The following DGKH variants were observed in gnomAD, a reference collection of about 807,000 sequenced individuals.
DGKH encodes the protein diacylglycerol kinase eta.
A neutral mutation model predicts 159.3 loss-of-function variants in DGKH; 90 were observed. The observed-to-expected ratio is 0.57, with a 90% CI of 0.48 to 0.67. The LOEUF (loss-of-function observed/expected upper bound fraction) is 0.67, where lower values mean the gene tolerates loss of function less well. DGKH is among the 30% of genes least tolerant of loss of function. The pLI, the probability that DGKH is intolerant of heterozygous loss-of-function variation, is 0.00. For synonymous variants in DGKH, 536 were observed against 553.8 expected, an observed-to-expected ratio of 0.97 and a Z score of 0.45; for missense variants, 1,181 against 1,506.1, an observed-to-expected ratio of 0.78 and a Z score of 3.57.
At chr13:42,205,209 T>G (rs933772419) in intron 20 of DGKH, among the ~76,000 whole-genome samples, 2 of 152,202 alleles carry the variant, frequency 1.3e-5, no homozygotes. Context: ...TAAATGTTAA[T>G]TAAAATAATA....
intron 9 of DGKH, 121 bp downstream of exon 9, chr13:42,166,795 CTAATTA>C (rs1956325810): frequency 2.3e-6 from 2 of 872,960 alleles, no homozygotes. Context: ...TTTTAAAGCT[CTAATTA>C]TAAGTTTTAA....
At chr13:42,110,520 G>A (rs1954843024) in intron 1 of DGKH, among the ~76,000 whole-genome samples, 1 of 152,186 alleles carries the variant, frequency 6.6e-6, no homozygotes, top group Admixed American at 6.5e-5. Flanking sequence ...TGTGGGCAAA[G>A]GGATTATTCT....
chr13:42,069,759 AT>A, intron 1 of DGKH: 1 of 1,117,172 alleles, frequency 9.0e-7, no homozygotes, highest in Non-Finnish European at 1.3e-6. Flanking sequence ...TCGTTTTGTA[AT>A]TACAAGTATG....
intron 3 of DGKH, among the ~76,000 whole-genome samples, chr13:42,148,635 T>C (rs1955797591): frequency 6.6e-6 from 1 of 152,218 alleles, no homozygotes. Context: ...TTTGTGTCTC[T>C]TCCTGGCTTA....
chr13:42,086,690 G>A (rs930643727), intron 1 of DGKH, among the ~76,000 whole-genome samples: 1 of 152,212 alleles, frequency 6.6e-6, no homozygotes, highest in Non-Finnish European at 1.5e-5. Context: ...ACAATGGTCT[G>A]TTTTCAGACC....
In DGKH at chr13:42,236,547, A is replaced by G. The variant is rs532352556; in HGVS notation, c.*7359A>G. 7.2e-5 allele frequency: 11 copies of G among 152,284 alleles called. No homozygotes were observed. The allele number at this position is 152,284 out of a possible 1,614,324, so 9.4% of individuals were successfully genotyped here. ...GTATTTTATCTTCATGTCACAACTT[A>G]TTTTCTGTAGCCAATTCTCAGTTTT... On this transcript the variant is annotated 3_prime_UTR_variant, in exon 30 of 30. Transcript: ENST00000337343.
intron 12 of DGKH, among the ~76,000 whole-genome samples, chr13:42,174,515 G>T (rs191092499): frequency 6.6e-6 from 1 of 152,128 alleles, no homozygotes; most frequent in African/African-American, 2.4e-5. Flanking sequence ...GCCTGTTTCC[G>T]TTTTATCAGC....
At chr13:42,067,204 A>G (rs1882642693) in intron 1 of DGKH, among the ~76,000 whole-genome samples, 1 of 152,202 alleles carries the variant, frequency 6.6e-6, no homozygotes, top group South Asian at 2.1e-4. Flanking sequence ...ACTACTGCAA[A>G]TAATGAGAAT....
chr13:42,150,404 A>G (rs553703352), intron 3 of DGKH, among the ~76,000 whole-genome samples: 4 of 152,318 alleles, frequency 2.6e-5, no homozygotes, highest in African/African-American at 9.6e-5. Flanking sequence ...GAAAGACCTG[A>G]CTACATCTTC....
chr13:42,167,326 ATACT>A (rs1298017052), intron 9 of DGKH, among the ~76,000 whole-genome samples: 1 of 152,208 alleles, frequency 6.6e-6, no homozygotes, highest in African/African-American at 2.4e-5. Flanking sequence ...TCTATGTAAC[ATACT>A]TACAGCAACT....
intron 1 of DGKH, among the ~76,000 whole-genome samples, chr13:42,084,103 T>C (rs934258853): frequency 1.4e-4 from 21 of 152,312 alleles, no homozygotes; most frequent in Non-Finnish European, 2.8e-4. Flanking sequence ...ATTATTGATA[T>C]AAAATAACTC....
chr13:42,232,479 C>T lies in DGKH; in HGVS notation c.*3291C>T, dbSNP rs959660590. The T allele has an allele frequency of 6.6e-6, 1 of 152,208 alleles. No individual in the cohort carries two copies. Among genetic ancestry groups the T allele is most frequent in the African/African-American group, 2.4e-5 (1 of 41,452 alleles). 9.4% of individuals were successfully genotyped at this position (152,208 alleles called of 1,614,324 possible). A position where few individuals can be genotyped will look rare whatever the true frequency, so the allele number is the denominator to read the frequency against. Reference sequence around the variant, plus strand: ...CCTCCCTTTCTGAGTTTCTTTCCTACATCCTGGCTCTTCATTTTCCCAATG... The same window carrying T: ...CCTCCCTTTCTGAGTTTCTTTCCTATATCCTGGCTCTTCATTTTCCCAATG... On this transcript the variant is annotated 3_prime_UTR_variant, in exon 30 of 30. Coordinates refer to ENST00000337343, the MANE Select transcript of DGKH (RefSeq NM_178009.5).
intron 26 of DGKH, chr13:42,216,534 TGGGAG>T (rs1239803215): frequency 1.3e-5 from 2 of 152,240 alleles, no homozygotes; most frequent in African/African-American, 4.8e-5. Context: ...GGTGAATGAA[TGGGAG>T]GTGCATCCCA....
At position 42,215,583 on chromosome 13, in the gene DGKH, A is replaced by G. The variant is rs1031561994; in HGVS notation, c.3129A>G (p.Thr1043=). ...ATATTCTTCTTTTCTAGAGTCTTAC[A>G]AGAGACACTGCCACTGAAATAGCCA... is the stretch of plus-strand genomic sequence containing the variant. ...KANPRCPESL[T]RDTATEIAIN... The change falls in exon 26 of 30, where the codon ACA becomes ACG. Residue 1043 remains threonine, a synonymous_variant. Transcript: ENST00000337343. The G allele has an allele frequency of 6.2e-7, 1 of 1,609,706 alleles. No homozygotes were observed. The highest frequency in any genetic ancestry group is 8.5e-7 in the Non-Finnish European group (1 of 1,177,420).
chr13:42,214,694 GC>G, intron 25 of DGKH, 82 bp downstream of exon 25: 1 of 1,314,144 alleles, frequency 7.6e-7, no homozygotes, highest in Non-Finnish European at 1.0e-6. Flanking sequence ...AATATGCCAC[GC>G]CCTGTGACAG....
chr13:42,187,122 G>A lies in DGKH; in HGVS notation c.1612G>A (p.Val538Ile), dbSNP rs201754211. 2.9e-5 allele frequency: 47 copies of A among 1,614,018 alleles called. No homozygotes were observed. Among genetic ancestry groups the A allele is most frequent in the Non-Finnish European group, 3.6e-5 (42 of 1,179,932 alleles). ...GTATGACAAAACCTTGGAAAATGCCGTTGTAGCTGATGCCGTGGCCAGTAA... is the reference window on the plus strand; with the variant it reads ...GTATGACAAAACCTTGGAAAATGCCATTGTAGCTGATGCCGTGGCCAGTAA... ...KTYDKTLENA[V>I]VADAVASKCS... is the part of the protein sequence containing the mutation. The change falls in exon 14 of 30, where the codon GTT becomes ATT. Residue 538 changes from valine (V) to isoleucine (I), a missense_variant. By Grantham distance (29) the Val-to-Ile change is conservative (BLOSUM62 3). Transcript: ENST00000337343.
intron 1 of DGKH, among the ~76,000 whole-genome samples, chr13:42,084,738 T>A (rs1450887756): frequency 6.6e-6 from 1 of 152,062 alleles, no homozygotes; most frequent in Non-Finnish European, 1.5e-5. Context: ...AGTATAAACG[T>A]GCTACTAGTT....
chr13:42,212,338 C>T (rs957789922), intron 24 of DGKH, among the ~76,000 whole-genome samples: 39 of 152,130 alleles, frequency 2.6e-4, no homozygotes, highest in Admixed American at 2.4e-3. Context: ...CTGGGCAGCT[C>T]AGAAGAAAGG....
At chr13:42,138,144 C>T (rs937850938) in intron 3 of DGKH, 2 of 984,284 alleles carry the variant, frequency 2.0e-6, no homozygotes, top group Admixed American at 1.2e-4. Context: ...AAATGAATTT[C>T]TCAAGGTTAG....
Sources: gnomAD v4.1 joint callset for allele counts (sites outside exome capture counted in the v4.1 genomes callset) on GRCh38, gnomAD v4.1.1 for gene constraint, MANE v1.5 for transcripts, NCBI Gene and HGNC (gene_info 2026-07-23, HGNC 2026-07-21) for gene names.